SPATA17: variants seen among roughly 807,000 people sequenced by gnomAD.
SPATA17 encodes spermatogenesis-associated protein 17.
In SPATA17, 53 loss-of-function variants were observed where a neutral mutation model predicts 62.2. That is an observed-to-expected ratio of 0.85 (90% CI 0.68 to 1.07). SPATA17 has a LOEUF of 1.07. SPATA17 is among the 50% of genes least tolerant of loss of function. The pLI, the probability that SPATA17 is intolerant of heterozygous loss-of-function variation, is 0.00. For missense variants in SPATA17, 466 were observed against 425.5 expected (o/e 1.10, Z -0.84); for synonymous variants, 146 against 146.8 (o/e 0.99, Z 0.04).
chr1:217,798,088 A>G (rs1674201089), intron 8 of SPATA17, among the ~76,000 whole-genome samples: 2 of 152,214 alleles, frequency 1.3e-5, no homozygotes, highest in South Asian at 2.1e-4. Flanking sequence ...AAATTTTGCT[A>G]TAAGAACAAA....
At chr1:217,690,267 A>G (rs1283720121) in intron 5 of SPATA17, among the ~76,000 whole-genome samples, 5 of 151,922 alleles carry the variant, frequency 3.3e-5, no homozygotes. Flanking sequence ...ATCCTCCAAT[A>G]TCTACCTTAC....
At position 217,862,791 on chromosome 1, in the gene SPATA17, A is replaced by G. The variant is rs751080293; in HGVS notation, c.1023A>G (p.Leu341=). 4 of 1,610,264 alleles carry G rather than the reference A, an allele frequency of 2.5e-6. No individual in the cohort carries two copies. Among genetic ancestry groups the G allele is most frequent in the African/African-American group, 2.7e-5 (2 of 74,830 alleles). Residue 341 remains leucine, a synonymous_variant, in exon 10 of 11, where the codon TTA becomes TTG. Coordinates refer to ENST00000366933, the MANE Select transcript of SPATA17 (RefSeq NM_138796.4). Reference sequence around the variant, plus strand: ...CCTCCTAGGATTTCCAGACTGTATTACCATCATTTGAGCTCTTCTCAAAGT... The same window carrying G: ...CCTCCTAGGATTTCCAGACTGTATTGCCATCATTTGAGCTCTTCTCAAAGT... ...WICDKDFQTV[L]PSFELFSKYG...
intron 9 of SPATA17, among the ~76,000 whole-genome samples, chr1:217,807,454 G>A (rs1674460861): frequency 6.6e-6 from 1 of 151,910 alleles, no homozygotes. Context: ...ACTCTCTAAG[G>A]ACATTCCTAA....
chr1:217,824,908 CTTTTCTTTCATATGCATATGTATAA>C (rs1674953201), intron 9 of SPATA17, among the ~76,000 whole-genome samples: 1 of 150,820 alleles, frequency 6.6e-6, no homozygotes, highest in Non-Finnish European at 1.5e-5. Context: ...TACAATAATA[CTTTTCTTTCATATGCATATGTATAA>C]TTTTCTTTCA....
intron 7 of SPATA17, among the ~76,000 whole-genome samples, chr1:217,779,122 A>G (rs1425460631): frequency 2.7e-5 from 4 of 150,178 alleles, no homozygotes; most frequent in African/African-American, 9.8e-5. Flanking sequence ...AAATAGAAAA[A>G]TACACACATT....
intron 5 of SPATA17, among the ~76,000 whole-genome samples, chr1:217,704,583 G>T (rs1052552900): frequency 6.6e-6 from 1 of 152,120 alleles, no homozygotes; most frequent in Admixed American, 6.6e-5. Context: ...TCTGAAGTCT[G>T]TTGTTCCCTT....
At chr1:217,640,701 A>G (rs1370671418) in intron 1 of SPATA17, among the ~76,000 whole-genome samples, 1 of 152,150 alleles carries the variant, frequency 6.6e-6, no homozygotes, top group Non-Finnish European at 1.5e-5. Context: ...AAAGACAAGC[A>G]TATGAGGGAA....
At chr1:217,664,925 C>T (rs1670660633) in intron 3 of SPATA17, among the ~76,000 whole-genome samples, 3 of 151,416 alleles carry the variant, frequency 2.0e-5, no homozygotes, top group Admixed American at 2.0e-4. Context: ...AGGATTTGGA[C>T]AGCTAAAAAG....
chr1:217,815,020 T>A (rs1257496181), intron 9 of SPATA17, among the ~76,000 whole-genome samples: 2 of 152,140 alleles, frequency 1.3e-5, no homozygotes, highest in Admixed American at 6.6e-5. Flanking sequence ...TGTTTTTAAA[T>A]TTGAAGGCCT....
At chr1:217,708,612 T>A (rs527984248) in intron 5 of SPATA17, among the ~76,000 whole-genome samples, 2 of 152,186 alleles carry the variant, frequency 1.3e-5, no homozygotes, top group South Asian at 4.1e-4. Flanking sequence ...ATTGCCGAAT[T>A]TGATCAGATG....
At chr1:217,687,696 G>A (rs1312966450) in intron 5 of SPATA17, among the ~76,000 whole-genome samples, 1 of 152,132 alleles carries the variant, frequency 6.6e-6, no homozygotes, top group Admixed American at 6.5e-5. Context: ...TACACTCTAT[G>A]ATGTATGCAC....
chr1:217,829,594 C>T (rs1008846795), intron 9 of SPATA17, among the ~76,000 whole-genome samples: 2 of 131,024 alleles, frequency 1.5e-5, no homozygotes, highest in African/African-American at 5.9e-5. Context: ...CACCATTGCA[C>T]TCCAGCCTGG....
At chr1:217,758,126 T>C (rs1673091420) in intron 6 of SPATA17, among the ~76,000 whole-genome samples, 1 of 152,202 alleles carries the variant, frequency 6.6e-6, no homozygotes, top group Admixed American at 6.5e-5. Context: ...CTAATATTTA[T>C]TGAATGCTTA....
chr1:217,661,115 G>C (rs1173708647), intron 3 of SPATA17, among the ~76,000 whole-genome samples: 1 of 152,040 alleles, frequency 6.6e-6, no homozygotes, highest in Non-Finnish European at 1.5e-5. Flanking sequence ...AAAAGTTCTA[G>C]ATCCATAGTT....
chr1:217,848,084 T>C (rs1172943947), intron 9 of SPATA17, among the ~76,000 whole-genome samples: 2 of 152,116 alleles, frequency 1.3e-5, no homozygotes, highest in Admixed American at 6.6e-5. Flanking sequence ...GATAAATAAG[T>C]GTCCAAGTAG....
At chr1:217,828,791 A>G (rs1051491308) in intron 9 of SPATA17, among the ~76,000 whole-genome samples, 4 of 152,164 alleles carry the variant, frequency 2.6e-5, no homozygotes, top group Admixed American at 1.3e-4. Context: ...AAGAATATGA[A>G]CAGACATTTC....
chr1:217,670,092 T>C (rs1012999423), intron 4 of SPATA17, among the ~76,000 whole-genome samples: 1 of 152,186 alleles, frequency 6.6e-6, no homozygotes, highest in Admixed American at 6.5e-5. Context: ...AATATTCATA[T>C]AGGAAAACAA....
At chr1:217,810,488 G>T (rs1039500098) in intron 9 of SPATA17, among the ~76,000 whole-genome samples, 2 of 149,980 alleles carry the variant, frequency 1.3e-5, no homozygotes, top group African/African-American at 2.5e-5. Flanking sequence ...TGGATGAGGT[G>T]GCACACACCT....
intron 9 of SPATA17, among the ~76,000 whole-genome samples, chr1:217,850,994 AAGT>A (rs1446646372): frequency 6.6e-6 from 1 of 152,158 alleles, no homozygotes; most frequent in Non-Finnish European, 1.5e-5. Context: ...TTCCTGGAGG[AAGT>A]AGCATTTTTA....
Sources: allele counts gnomAD v4.1 joint callset (sites outside exome capture counted in the v4.1 genomes callset), GRCh38; gene constraint gnomAD v4.1.1; transcripts MANE v1.5; gene names NCBI Gene and HGNC (gene_info 2026-07-23, HGNC 2026-07-21).